SLC1A3: variants seen among roughly 807,000 people sequenced by gnomAD.
SLC1A3 encodes the protein solute carrier family 1 member 3.
SLC1A3 carries 21 observed loss-of-function variants against 48.1 expected under a neutral mutation model. That is an observed-to-expected ratio of 0.44 (90% CI 0.31 to 0.63). The LOEUF (loss-of-function observed/expected upper bound fraction) is 0.63, where lower values mean the gene tolerates loss of function less well. Ranked by LOEUF, SLC1A3 falls within the 20% of genes least tolerant of loss-of-function variation. SLC1A3 has a pLI of 0.08. For synonymous variants in SLC1A3, 239 were observed against 251.4 expected, an observed-to-expected ratio of 0.95 and a Z score of 0.47; for missense variants, 546 against 689.0, an observed-to-expected ratio of 0.79 and a Z score of 2.32.
chr5:36,608,418 T>G lies in SLC1A3; in HGVS notation c.-6T>G, dbSNP rs1274480564. 1.9e-6 allele frequency: 3 copies of G among 1,613,588 alleles called. No individual in the cohort carries two copies. The African/African-American group carries it at 4.0e-5, about 22-fold the overall frequency. On this transcript the variant is annotated 5_prime_UTR_variant, in exon 2 of 10. Coordinates refer to ENST00000265113, the MANE Select transcript of SLC1A3 (RefSeq NM_004172.5). ...CAAAGAAGAGACCCTCCTAGAAAAG[T>G]AAAATATGACTAAAAGCAATGGAGA...
chr5:36,668,496 T>C (rs576792646), intron 3 of SLC1A3: 1 of 152,364 alleles, frequency 6.6e-6, no homozygotes, highest in Admixed American at 6.5e-5. Flanking sequence ...TAACTCTGTG[T>C]GGGACTTCGA....
At chr5:36,629,947 C>T in intron 3 of SLC1A3, 1 of 334,374 alleles carries the variant, frequency 3.0e-6, no homozygotes, top group Non-Finnish European at 5.8e-6. Context: ...ACCCAGATAA[C>T]ATCTGGTTGG....
At position 36,679,813 on chromosome 5, in the gene SLC1A3, T is replaced by A; in HGVS notation, c.1047T>A (p.Ile349=). The A allele has an allele frequency of 6.2e-7, 1 of 1,614,212 alleles. No homozygotes were observed. ...LVTRKNPWVF[I]GGLLQALITA... is the part of the protein sequence containing the mutation. ...CACGGAAAAACCCTTGGGTTTTTATTGGAGGGTTGCTGCAAGCACTCATCA... is the reference window on the plus strand; with the variant it reads ...CACGGAAAAACCCTTGGGTTTTTATAGGAGGGTTGCTGCAAGCACTCATCA... Residue 349 remains isoleucine (I), a synonymous_variant, in exon 7 of 10, where the codon ATT becomes ATA. Coordinates refer to ENST00000265113, the MANE Select transcript of SLC1A3 (RefSeq NM_004172.5).
intron 2 of SLC1A3, among the ~76,000 whole-genome samples, chr5:36,618,759 C>T (rs906306784): frequency 5.3e-5 from 8 of 152,124 alleles, no homozygotes; most frequent in Non-Finnish European, 1.0e-4. Flanking sequence ...ATATTTCATT[C>T]CCAGTTTCTA....
chr5:36,654,287 T>C (rs905005694), intron 3 of SLC1A3, among the ~76,000 whole-genome samples: 9 of 152,144 alleles, frequency 5.9e-5, no homozygotes, highest in African/African-American at 2.2e-4. Context: ...GATGAGCCAA[T>C]GGAAATGTTC....
chr5:36,612,281 T>G (rs1213857596), intron 2 of SLC1A3, among the ~76,000 whole-genome samples: 1 of 152,200 alleles, frequency 6.6e-6, no homozygotes, highest in Non-Finnish European at 1.5e-5. Flanking sequence ...CTGGCTAAAT[T>G]TTTATAAAGC....
intron 4 of SLC1A3, among the ~76,000 whole-genome samples, chr5:36,672,497 T>C (rs1742038311): frequency 6.6e-6 from 1 of 152,196 alleles, no homozygotes; most frequent in Non-Finnish European, 1.5e-5. Context: ...TCAGCTAACT[T>C]ACCTGCAGAG....
At chr5:36,670,951 G>A in intron 3 of SLC1A3, 78 bp from the exon 4 acceptor site, 1 of 1,271,984 alleles carries the variant, frequency 7.9e-7, no homozygotes, top group Non-Finnish European at 1.1e-6. Context: ...GAGTATAAAG[G>A]AAATGCTGTT....
At chr5:36,670,875 T>G in intron 3 of SLC1A3, 154 bp from the exon 4 acceptor site, 96 of 705,398 alleles carry the variant, frequency 1.4e-4, no homozygotes, top group Middle Eastern at 3.7e-4. Flanking sequence ...CTTCACCTTG[T>G]GAGATTTGGG....
chr5:36,678,890 T>C (rs1742320884), intron 6 of SLC1A3, among the ~76,000 whole-genome samples: 1 of 152,248 alleles, frequency 6.6e-6, no homozygotes, highest in Non-Finnish European at 1.5e-5. Context: ...AGTTTAATAA[T>C]GAATTTATTT....
intron 3 of SLC1A3, among the ~76,000 whole-genome samples, chr5:36,650,205 T>C (rs1741005510): frequency 6.6e-6 from 1 of 152,116 alleles, no homozygotes. Context: ...AGGGTGGAAG[T>C]CCTCTCTCCT....
chr5:36,686,534 A>G lies in SLC1A3; in HGVS notation c.*265A>G. On this transcript the variant is annotated 3_prime_UTR_variant, in exon 10 of 10. Coordinates refer to ENST00000265113, the MANE Select transcript of SLC1A3 (RefSeq NM_004172.5). ...ACCAAGATCACAAATAGTGTTGATCAGATCTTACAAGTTTATGTGGCACAC... is the reference window on the plus strand; with the variant it reads ...ACCAAGATCACAAATAGTGTTGATCGGATCTTACAAGTTTATGTGGCACAC... 2.1e-6 allele frequency: 1 copy of G among 482,422 alleles called. No individual in the cohort carries two copies. Among genetic ancestry groups the G allele is most frequent in the South Asian group, 2.3e-5 (1 of 44,214 alleles). The allele number at this position is 482,422 out of a possible 1,614,324, so 29.9% of individuals were successfully genotyped here. A position where few individuals can be genotyped will look rare whatever the true frequency, so the allele number is the denominator to read the frequency against.
chr5:36,653,196 A>G (rs1422073266), intron 3 of SLC1A3, among the ~76,000 whole-genome samples: 1 of 152,226 alleles, frequency 6.6e-6, no homozygotes, highest in African/African-American at 2.4e-5. Context: ...ACTTCTCAGC[A>G]GCTGCTTACA....
intron 3 of SLC1A3, among the ~76,000 whole-genome samples, chr5:36,652,620 T>C (rs747587272): frequency 6.6e-6 from 1 of 152,158 alleles, no homozygotes; most frequent in African/African-American, 2.4e-5. Context: ...TTCCCAGAGT[T>C]ACCCATGGAG....
intron 1 of SLC1A3, among the ~76,000 whole-genome samples, chr5:36,599,529 A>AGTTTTTTTTTTTGG (rs1738782534): frequency 1.1e-5 from 1 of 95,172 alleles, no homozygotes. Context: ...TTTTTTTTTG[A>AGTTTTTTTTTTTGG]GACGGAGTCT....
chr5:36,648,931 C>A (rs1173349008), intron 3 of SLC1A3, among the ~76,000 whole-genome samples: 4 of 152,198 alleles, frequency 2.6e-5, no homozygotes, highest in African/African-American at 9.6e-5. Flanking sequence ...TTATACTGCA[C>A]ATAATGAACA....
chr5:36,597,356 C>T (rs1398379984), intron 1 of SLC1A3, among the ~76,000 whole-genome samples: 1 of 144,882 alleles, frequency 6.9e-6, no homozygotes, highest in Non-Finnish European at 1.5e-5. Context: ...ACGCCATTCT[C>T]CTGCCTCAGC....
At chr5:36,676,701 T>C (rs753178679) in intron 5 of SLC1A3, among the ~76,000 whole-genome samples, 191 bp from the exon 6 acceptor site, 1 of 152,116 alleles carries the variant, frequency 6.6e-6, no homozygotes, top group Non-Finnish European at 1.5e-5. Context: ...TATGTGTTTC[T>C]GTCTGTCTGT....
intron 3 of SLC1A3, chr5:36,668,558 C>T (rs1444140695): frequency 1.3e-5 from 2 of 152,186 alleles, no homozygotes; most frequent in Non-Finnish European, 2.9e-5. Flanking sequence ...GAATATACCT[C>T]CCTTACCTTT....
Sources: gnomAD v4.1 joint callset for allele counts (sites outside exome capture counted in the v4.1 genomes callset) on GRCh38, gnomAD v4.1.1 for gene constraint, MANE v1.5 for transcripts, NCBI Gene and HGNC (gene_info 2026-07-23, HGNC 2026-07-21) for gene names.